The following SH2B3 variants were observed in gnomAD, a reference collection of about 807,000 sequenced individuals.
The protein encoded by SH2B3 is SH2B adaptor protein 3.
SH2B3 carries 43 observed loss-of-function variants against 51.9 expected under a neutral mutation model. The observed-to-expected ratio is 0.83, with a 90% CI of 0.65 to 1.07. The LOEUF (loss-of-function observed/expected upper bound fraction) is 1.07, where lower values mean the gene tolerates loss of function less well. SH2B3 is among the 50% of genes least tolerant of loss of function. The pLI is 0.00. For synonymous variants in SH2B3, 396 were observed against 376.0 expected, an observed-to-expected ratio of 1.05 and a Z score of -0.62; for missense variants, 952 against 834.3, an observed-to-expected ratio of 1.14 and a Z score of -1.74.
Position 111,447,149 on chromosome 12 carries a change from G to T in SH2B3, c.951G>T (p.Met317Ile). Residue 317 changes from methionine to isoleucine, a missense_variant, in exon 5 of 8, where the codon ATG (methionine) becomes ATT (isoleucine). Coordinates refer to ENST00000341259, the MANE Select transcript of SH2B3 (RefSeq NM_005475.3). Reference protein sequence around the residue: ...GRGLESTEAEMHIPSALEPST... With the variant: ...GRGLESTEAEIHIPSALEPST... Reference sequence around the variant, plus strand: ...GGCTGGAGAGCACAGAAGCAGAGATGCATATTCCCTCAGCCCTAGAGCCTA... The same window carrying T: ...GGCTGGAGAGCACAGAAGCAGAGATTCATATTCCCTCAGCCCTAGAGCCTA... The T allele has an allele frequency of 1.2e-6, 2 of 1,613,990 alleles. No individual in the cohort carries two copies. Among genetic ancestry groups the T allele is most frequent in the Non-Finnish European group, 1.7e-6 (2 of 1,179,866 alleles).
intron 2 of SH2B3, among the ~76,000 whole-genome samples, chr12:111,439,854 C>T (rs1313380452): frequency 6.6e-6 from 1 of 152,222 alleles, no homozygotes; most frequent in Non-Finnish European, 1.5e-5. Flanking sequence ...TCCAGCCTGG[C>T]TCCTCTCTCC....
intron 5 of SH2B3, 28 bp from the exon 6 acceptor site, chr12:111,447,302 G>T: frequency 6.2e-7 from 1 of 1,601,424 alleles, no homozygotes; most frequent in South Asian, 1.1e-5. Context: ...AGCCCCCTGC[G>T]ACCACCATCA....
At chr12:111,433,530 G>A (rs1872643334) in intron 2 of SH2B3, among the ~76,000 whole-genome samples, 2 of 152,114 alleles carry the variant, frequency 1.3e-5, no homozygotes, top group African/African-American at 4.8e-5. Context: ...CTTAAAGGGT[G>A]TGAAGTAGTT....
chr12:111,429,457 G>A lies in SH2B3; in HGVS notation c.732+10580G>A, dbSNP rs887842195. Among the ~76,000 whole-genome samples the A allele has an allele frequency of 3.9e-5, 6 of 152,002 alleles. No homozygotes were observed. The East Asian group carries it at 9.6e-4, about 24-fold the overall frequency. On this transcript the variant is annotated intron_variant, in intron 2 of 7. Coordinates refer to ENST00000341259, the MANE Select transcript of SH2B3 (RefSeq NM_005475.3). The surrounding 1 kb of genome is among the most constrained non-coding windows in gnomAD (Gnocchi z 4.4). Reference sequence around the variant, plus strand: ...AGCAATTCTCCTGCCTCAGCCTCCCGAGTAGCTGGGATTACAGGCGCCCAC... The same window carrying A: ...AGCAATTCTCCTGCCTCAGCCTCCCAAGTAGCTGGGATTACAGGCGCCCAC...
chr12:111,432,849 A>G (rs1362804330), intron 2 of SH2B3, among the ~76,000 whole-genome samples: 1 of 152,138 alleles, frequency 6.6e-6, no homozygotes, highest in Non-Finnish European at 1.5e-5. Flanking sequence ...GTTCCTTTTT[A>G]TGGCTGAAAA....
Position 111,429,776 on chromosome 12 carries a change from G to C in SH2B3, c.732+10899G>C, listed in dbSNP as rs1225241270. Among the ~76,000 whole-genome samples the C allele has an allele frequency of 6.6e-6, 1 of 152,222 alleles. No homozygotes were observed. Among genetic ancestry groups the C allele is most frequent in the Admixed American group, 6.5e-5 (1 of 15,286 alleles). ...TAGGCACAGAGAGGTCCAGAAACTT[G>C]CCCGAGGCCCCAGAGCTGGTAGGTG... On this transcript the variant is annotated intron_variant, in intron 2 of 7. Transcript: ENST00000341259. The surrounding 1 kb of genome is among the most constrained non-coding windows in gnomAD (Gnocchi z 4.4).
intron 2 of SH2B3, among the ~76,000 whole-genome samples, chr12:111,423,661 C>T (rs975914947): frequency 7.7e-4 from 117 of 152,264 alleles, no homozygotes; most frequent in Non-Finnish European, 8.8e-4. Flanking sequence ...TGAGCCACTG[C>T]GCCCGTCCAG....
chr12:111,448,350 C>A lies in SH2B3; in HGVS notation c.*48C>A, dbSNP rs373432208. On this transcript the variant is annotated 3_prime_UTR_variant, in exon 8 of 8. Transcript: ENST00000341259. ...AACAGCTGCCCTTGAGGAGCACAGGCAGAAGTGTGAACTTGTGAATGTAAT... is the reference window on the plus strand; with the variant it reads ...AACAGCTGCCCTTGAGGAGCACAGGAAGAAGTGTGAACTTGTGAATGTAAT... 1 of 1,324,050 alleles carries A rather than the reference C, an allele frequency of 7.6e-7. No homozygotes were observed. The highest frequency in any genetic ancestry group is 1.1e-6 in the Non-Finnish European group (1 of 944,046). The allele number at this position is 1,324,050 out of a possible 1,614,324, so 82.0% of individuals were successfully genotyped here. A position where few individuals can be genotyped will look rare whatever the true frequency, so the allele number is the denominator to read the frequency against.
intron 2 of SH2B3, among the ~76,000 whole-genome samples, chr12:111,446,183 T>C (rs1200013616): frequency 6.6e-6 from 1 of 152,234 alleles, no homozygotes; most frequent in African/African-American, 2.4e-5. Context: ...GCTCCTTGGC[T>C]GCAGAGTGCC....
Position 111,451,522 on chromosome 12 carries a change from A to G in SH2B3, c.*3220A>G, listed in dbSNP as rs1346229178. 1 of 152,658 alleles carries G rather than the reference A, an allele frequency of 6.6e-6. No homozygotes were observed. Among genetic ancestry groups the G allele is most frequent in the African/African-American group, 2.4e-5 (1 of 41,460 alleles). The allele number at this position is 152,658 out of a possible 1,614,324, so 9.5% of individuals were successfully genotyped here. A position where few individuals can be genotyped will look rare whatever the true frequency, so the allele number is the denominator to read the frequency against. On this transcript the variant is annotated 3_prime_UTR_variant, in exon 8 of 8. Transcript: ENST00000341259. Reference sequence around the variant, plus strand: ...GAAGGTATTTGGCAAATTTTTATGTATTGTTTTATGTACTGTACAAGTAAC... The same window carrying G: ...GAAGGTATTTGGCAAATTTTTATGTGTTGTTTTATGTACTGTACAAGTAAC...
chr12:111,423,793 A>G (rs1276273867), intron 2 of SH2B3, among the ~76,000 whole-genome samples: 1 of 152,246 alleles, frequency 6.6e-6, no homozygotes, highest in Non-Finnish European at 1.5e-5. Context: ...AGCCTGGCCA[A>G]CATGGTGAAA....
intron 2 of SH2B3, among the ~76,000 whole-genome samples, chr12:111,446,128 AG>A (rs1025398979): frequency 6.6e-6 from 1 of 152,098 alleles, no homozygotes; most frequent in Non-Finnish European, 1.5e-5. Context: ...GAGGAAGGGG[AG>A]GGGCAAACCC....
intron 1 of SH2B3, among the ~76,000 whole-genome samples, chr12:111,408,435 G>A (rs545703156): frequency 2.0e-5 from 3 of 150,060 alleles, no homozygotes; most frequent in Admixed American, 2.0e-4. Context: ...TCAAACCTGG[G>A]CCTGATCCTC....
At chr12:111,434,328 G>C (rs529066866) in intron 2 of SH2B3, among the ~76,000 whole-genome samples, 45 of 152,300 alleles carry the variant, frequency 3.0e-4, no homozygotes, top group Non-Finnish European at 6.5e-4. Flanking sequence ...CCTGCCTCCA[G>C]CCCGTGGCAA....
intron 7 of SH2B3, 52 bp downstream of exon 7, chr12:111,447,879 G>A: frequency 6.3e-7 from 1 of 1,589,300 alleles, no homozygotes; most frequent in Non-Finnish European, 8.6e-7. Flanking sequence ...TGGGTAGAGG[G>A]TAGAGGCTTG....
intron 2 of SH2B3, among the ~76,000 whole-genome samples, chr12:111,434,044 T>C (rs1438524588): frequency 1.3e-5 from 2 of 152,244 alleles, no homozygotes; most frequent in Admixed American, 6.5e-5. Flanking sequence ...CATACGCATA[T>C]ATCTTCTTGT....
rs1045402773 is a variant in SH2B3 at position 111,407,730 on chromosome 12, C to T, written c.-28+1453C>T. Among the ~76,000 whole-genome samples the T allele has an allele frequency of 6.6e-6, 1 of 152,142 alleles. No individual in the cohort carries two copies. Among genetic ancestry groups the T allele is most frequent in the Non-Finnish European group, 1.5e-5 (1 of 68,022 alleles). On this transcript the variant is annotated intron_variant, in intron 1 of 7. Coordinates refer to ENST00000341259, the MANE Select transcript of SH2B3 (RefSeq NM_005475.3). The surrounding 1 kb of genome is among the most constrained non-coding windows in gnomAD (Gnocchi z 4.3). Reference sequence around the variant, plus strand: ...GAGCATTCCTAGAACTTTTGTGAGTCCCTGTGGGCCACAGAGCGGCCAGCT... The same window carrying T: ...GAGCATTCCTAGAACTTTTGTGAGTTCCTGTGGGCCACAGAGCGGCCAGCT...
chr12:111,432,627 C>T (rs577547125), intron 2 of SH2B3, among the ~76,000 whole-genome samples: 1 of 152,264 alleles, frequency 6.6e-6, no homozygotes, highest in South Asian at 2.1e-4. Flanking sequence ...ACATTTTCGT[C>T]ATCAAAAAAG....
chr12:111,418,436 A>C lies in SH2B3; in HGVS notation c.291A>C (p.Pro97=). Residue 97 remains proline, a synonymous_variant, in exon 2 of 8, where the codon CCA becomes CCC. Transcript: ENST00000341259. The surrounding 1 kb of genome is among the most constrained non-coding windows in gnomAD (Gnocchi z 6.7). ...RDYRDTGRGP[P]AKAEASPEPG... ...ACCGGGACACAGGCCGTGGGCCCCCAGCCAAGGCCGAGGCGTCCCCGGAGC... is the reference window on the plus strand; with the variant it reads ...ACCGGGACACAGGCCGTGGGCCCCCCGCCAAGGCCGAGGCGTCCCCGGAGC... 6.9e-7 allele frequency: 1 copy of C among 1,447,266 alleles called. No homozygotes were observed. The highest frequency in any genetic ancestry group is 1.3e-5 in the South Asian group (1 of 76,084). 89.7% of individuals were successfully genotyped at this position (1,447,266 alleles called of 1,614,324 possible).
Sources: gnomAD v4.1 joint callset for allele counts (sites outside exome capture counted in the v4.1 genomes callset) on GRCh38, gnomAD v4.1.1 for gene constraint, Gnocchi (gnomAD v3.1) non-coding constraint, MANE v1.5 for transcripts, NCBI Gene and HGNC (gene_info 2026-07-23, HGNC 2026-07-21) for gene names.